The following HMGCLL1 variants were observed in gnomAD, a reference collection of about 807,000 sequenced individuals.
HMGCLL1 encodes 3-hydroxymethyl-3-methylglutaryl-CoA lyase, cytoplasmic.
A neutral mutation model predicts 39.1 loss-of-function variants in HMGCLL1; 36 were observed. The ratio of observed to expected loss-of-function variants is 0.92; its 90% CI spans 0.71 to 1.22. The LOEUF (loss-of-function observed/expected upper bound fraction) is 1.22, where lower values mean the gene tolerates loss of function less well. Among genes scored for constraint, HMGCLL1 ranks in the 50% most tolerant of loss-of-function variants. The pLI is 0.00. For missense variants in HMGCLL1, 451 were observed against 416.5 expected (o/e 1.08, Z -0.72); for synonymous variants, 149 against 144.0 (o/e 1.03, Z -0.25).
At chr6:55,545,212 CA>C (rs766554353) in intron 1 of HMGCLL1, among the ~76,000 whole-genome samples, 15 of 20,532 alleles carry the variant, frequency 7.3e-4, no homozygotes, top group Admixed American at 1.3e-3. Flanking sequence ...CAATGTTTGC[CA>C]AAAAAAAAAA....
chr6:55,669,299 C>G, the HMGCLL1 span, among the ~76,000 whole-genome samples: 6 of 151,692 alleles, frequency 4.0e-5, no homozygotes, highest in Non-Finnish European at 7.4e-5. Context: ...AACACTGCAA[C>G]AACTTTGGCA....
chr6:55,619,709 T>C, the HMGCLL1 span, among the ~76,000 whole-genome samples: 1 of 152,132 alleles, frequency 6.6e-6, no homozygotes, highest in Non-Finnish European at 1.5e-5. Flanking sequence ...ATTCCAATTA[T>C]ACTCTTTAAG....
At chr6:55,464,580 A>G (rs578247397) in intron 7 of HMGCLL1, among the ~76,000 whole-genome samples, 6 of 145,980 alleles carry the variant, frequency 4.1e-5, no homozygotes, top group Non-Finnish European at 8.9e-5. Flanking sequence ...AATCTACTCA[A>G]GATTAATGAT....
chr6:55,596,642 T>A, the HMGCLL1 span, among the ~76,000 whole-genome samples: 146 of 152,330 alleles, frequency 9.6e-4, no homozygotes, highest in African/African-American at 2.4e-3. Context: ...AATAAAAACA[T>A]AGTAAAAGTT....
At chr6:55,650,134 T>TATATATATATATATAC in the HMGCLL1 span, among the ~76,000 whole-genome samples, 2 of 53,348 alleles carry the variant, frequency 3.7e-5, no homozygotes, top group East Asian at 1.6e-3. Context: ...TATATATATA[T>TATATATATATATATAC]ACACACACAC....
At chr6:55,447,772 C>T (rs893975427) in intron 7 of HMGCLL1, among the ~76,000 whole-genome samples, 1 of 152,076 alleles carries the variant, frequency 6.6e-6, no homozygotes, top group African/African-American at 2.4e-5. Context: ...CATGAGTAAA[C>T]TGAGGTTCAT....
At chr6:55,548,273 C>T (rs1770109617) in intron 1 of HMGCLL1, among the ~76,000 whole-genome samples, 1 of 151,948 alleles carries the variant, frequency 6.6e-6, no homozygotes, top group African/African-American at 2.4e-5. Context: ...AGATTAAAAA[C>T]AAGCTCTAGA....
chr6:55,627,168 G>T, the HMGCLL1 span, among the ~76,000 whole-genome samples: 1 of 151,916 alleles, frequency 6.6e-6, no homozygotes, highest in Non-Finnish European at 1.5e-5. Flanking sequence ...CACGTGACCA[G>T]CTGTAGAAAT....
At chr6:55,453,765 GGAAAAA>G (rs1277965211) in intron 7 of HMGCLL1, among the ~76,000 whole-genome samples, 6 of 152,220 alleles carry the variant, frequency 3.9e-5, no homozygotes, top group Admixed American at 3.9e-4. Context: ...TGAAGCATAA[GGAAAAA>G]GATTGTTGTT....
At chr6:55,663,196 CT>C in the HMGCLL1 span, among the ~76,000 whole-genome samples, 2,152 of 150,934 alleles carry the variant, frequency 0.014, 44 homozygotes, top group African/African-American at 0.049. Context: ...CAGTTCCGCT[CT>C]GATTTTGGTT....
the HMGCLL1 span, among the ~76,000 whole-genome samples, chr6:55,622,100 C>T: frequency 6.6e-6 from 1 of 151,904 alleles, no homozygotes; most frequent in Non-Finnish European, 1.5e-5. Flanking sequence ...TATAGAAATG[C>T]TACTGATTTT....
intron 5 of HMGCLL1, chr6:55,513,469 TTTATCA>T (rs1767570865): frequency 6.6e-6 from 1 of 152,162 alleles, no homozygotes; most frequent in Non-Finnish European, 1.5e-5. Flanking sequence ...CTATAAGCAA[TTTATCA>T]AGTATTTTTA....
intron 3 of HMGCLL1, among the ~76,000 whole-genome samples, chr6:55,531,111 A>G (rs1324808228): frequency 1.3e-5 from 2 of 152,146 alleles, no homozygotes; most frequent in Non-Finnish European, 2.9e-5. Context: ...GTGAATCTCC[A>G]AGTGAGCAAG....
At chr6:55,582,919 T>C (rs930740856), upstream of HMGCLL1, among the ~76,000 whole-genome samples, 5 of 152,120 alleles carry the variant, frequency 3.3e-5, no homozygotes, top group African/African-American at 1.2e-4. Flanking sequence ...TCATTTCTTA[T>C]AATAAGTTTC....
chr6:55,630,228 A>G, the HMGCLL1 span, among the ~76,000 whole-genome samples: 19,513 of 152,204 alleles, frequency 0.13, 1,369 homozygotes, highest in East Asian at 0.23. Flanking sequence ...TGGATATGAG[A>G]CATGGATCAA....
the HMGCLL1 span, among the ~76,000 whole-genome samples, chr6:55,616,850 T>C: frequency 2.6e-5 from 4 of 151,884 alleles, no homozygotes; most frequent in East Asian, 7.7e-4. Flanking sequence ...GAGAGAGATT[T>C]TGCTATATAA....
At chr6:55,489,680 GA>G (rs554137488) in intron 7 of HMGCLL1, among the ~76,000 whole-genome samples, 302 of 151,958 alleles carry the variant, frequency 2.0e-3, no homozygotes, top group Non-Finnish European at 2.9e-3. Flanking sequence ...TGAAACCTAG[GA>G]TTAATGTCAT....
At chr6:55,477,629 G>A (rs1257265585) in intron 7 of HMGCLL1, among the ~76,000 whole-genome samples, 2 of 144,672 alleles carry the variant, frequency 1.4e-5, no homozygotes, top group South Asian at 2.1e-4. Flanking sequence ...GAATAGATAA[G>A]TAAATATATG....
chr6:55,520,280 A>G, intron 3 of HMGCLL1, among the ~76,000 whole-genome samples: 1 of 150,964 alleles, frequency 6.6e-6, no homozygotes, highest in African/African-American at 2.4e-5. Flanking sequence ...AAATAAATAA[A>G]AGAAAAAAAA....
Sources: allele counts gnomAD v4.1 joint callset (sites outside exome capture counted in the v4.1 genomes callset), GRCh38; gene constraint gnomAD v4.1.1; transcripts MANE v1.5; gene names NCBI Gene and HGNC (gene_info 2026-07-23, HGNC 2026-07-21).